Variants in RNASEH2B observed in about 807,000 individuals in gnomAD.
RNASEH2B encodes the protein Aicardi-Goutieres syndrome 2 protein.
In RNASEH2B, 36 loss-of-function variants were observed where a neutral mutation model predicts 45.0. The ratio of observed to expected loss-of-function variants is 0.80; its 90% CI spans 0.61 to 1.06. The LOEUF is 1.06. RNASEH2B is among the 50% of genes least tolerant of loss of function. The pLI, the probability that RNASEH2B is intolerant of heterozygous loss-of-function variation, is 0.00. For missense variants in RNASEH2B, 361 were observed against 360.3 expected (o/e 1.00, Z -0.02); for synonymous variants, 119 against 125.7 (o/e 0.95, Z 0.35).
At chr13:50,935,888 G>A (rs1373244131) in intron 5 of RNASEH2B, 1 of 152,294 alleles carries the variant, frequency 6.6e-6, no homozygotes, top group African/African-American at 2.4e-5. Flanking sequence ...TATTGGAGAA[G>A]CCAGGTCCAC....
At position 50,945,462 on chromosome 13, in the gene RNASEH2B, T is replaced by G; in HGVS notation, c.546T>G (p.Asn182Lys). Residue 182 changes from asparagine (N) to lysine (K), a missense_variant, in exon 7 of 11, where the codon AAT becomes AAG. Transcript: ENST00000336617. ...NQTVAALKTN[N>K]VNVSSRVQST... Reference sequence around the variant, plus strand: ...CTGTGGCAGCATTAAAAACCAATAATGTGAATGTCAGTTCCCGGGTACAGT... The same window carrying G: ...CTGTGGCAGCATTAAAAACCAATAAGGTGAATGTCAGTTCCCGGGTACAGT... The G allele has an allele frequency of 6.2e-7, 1 of 1,613,758 alleles. No homozygotes were observed. The highest frequency in any genetic ancestry group is 1.1e-5 in the South Asian group (1 of 91,076).
rs531304537 is a variant in RNASEH2B at position 50,912,534 on chromosome 13, G to A, written c.64+2394G>A. 4.6e-5 allele frequency: 7 copies of A among 152,338 alleles called. 1 individual carries two copies. The South Asian group carries it at 1.2e-3, about 27-fold the overall frequency. The allele number at this position is 152,338 out of a possible 1,614,324, so 9.4% of individuals were successfully genotyped here. A position where few individuals can be genotyped will look rare whatever the true frequency, so the allele number is the denominator to read the frequency against. ...CCAGAATTTATATGGTCAAGGAAGT[G>A]CATGTAAGTGCAGAGTGTGAGGCTC... is the stretch of plus-strand genomic sequence containing the variant. On this transcript the variant is annotated intron_variant, in intron 1 of 10. Transcript: ENST00000336617.
intron 9 of RNASEH2B, chr13:50,952,195 A>G (rs1481581031): frequency 6.6e-6 from 1 of 152,214 alleles, no homozygotes; most frequent in East Asian, 1.9e-4. Context: ...AATAATGTCT[A>G]AGTGTTTATA....
chr13:50,944,413 G>T (rs1164785057), intron 6 of RNASEH2B, among the ~76,000 whole-genome samples: 1 of 151,954 alleles, frequency 6.6e-6, no homozygotes, highest in Non-Finnish European at 1.5e-5. Context: ...AAGAACACAT[G>T]AACACAGGGA....
At chr13:50,954,020 TACTC>T in intron 10 of RNASEH2B, 35 bp downstream of exon 10, 1 of 1,287,810 alleles carries the variant, frequency 7.8e-7, no homozygotes, top group Non-Finnish European at 1.1e-6. Context: ...GTTTCGTTCA[TACTC>T]AGTGCGTGAT....
chr13:50,943,509 A>G (rs960799762), intron 6 of RNASEH2B, 115 bp downstream of exon 6: 2 of 783,710 alleles, frequency 2.6e-6, no homozygotes, highest in African/African-American at 1.7e-5. Context: ...CAGTGAAAAG[A>G]GGAAAATTGT....
intron 1 of RNASEH2B, among the ~76,000 whole-genome samples, chr13:50,917,570 C>T (rs939293218): frequency 1.3e-5 from 2 of 152,194 alleles, no homozygotes; most frequent in Non-Finnish European, 2.9e-5. Context: ...CTCTTGATGA[C>T]CTTGGGAAGC....
chr13:50,954,034 T>A, intron 10 of RNASEH2B, 49 bp downstream of exon 10: 1 of 1,106,908 alleles, frequency 9.0e-7, no homozygotes, highest in Non-Finnish European at 1.4e-6. Flanking sequence ...CAGTGCGTGA[T>A]GTGCATGAAT....
rs541039851 is a variant in RNASEH2B, at chr13:50,913,871, A to G, written c.64+3731A>G. Among the ~76,000 whole-genome samples the G allele has an allele frequency of 2.0e-5, 3 of 152,338 alleles. No homozygotes were observed. The East Asian group carries it at 5.8e-4, about 29-fold the overall frequency. On this transcript the variant is annotated intron_variant, in intron 1 of 10. Transcript: ENST00000336617. ...AATCACAAATGATTATACCAGAGCTATCTTTCCAATTGGAATGCAAAAATA... is the reference window on the plus strand; with the variant it reads ...AATCACAAATGATTATACCAGAGCTGTCTTTCCAATTGGAATGCAAAAATA...
chr13:50,962,169 A>C (rs189880678), intron 9 of RNASEH2B, among the ~76,000 whole-genome samples: 4 of 152,080 alleles, frequency 2.6e-5, no homozygotes, highest in Non-Finnish European at 5.9e-5. Context: ...GGTTTTCTTT[A>C]CTTGTAATGA....
intron 9 of RNASEH2B, chr13:50,952,265 T>TC (rs1951985645): frequency 1.3e-5 from 2 of 152,242 alleles, no homozygotes; most frequent in South Asian, 4.1e-4. Context: ...CCTCATAACT[T>TC]CAAGCTTTTT....
At chr13:50,969,533 A>AAAG (rs1555259600) in intron 9 of RNASEH2B, among the ~76,000 whole-genome samples, 1 of 151,740 alleles carries the variant, frequency 6.6e-6, no homozygotes, top group African/African-American at 2.4e-5. Flanking sequence ...AAAAAAAAAA[A>AAAG]AAAAAGAAAA....
intron 2 of RNASEH2B, among the ~76,000 whole-genome samples, chr13:50,928,861 A>T (rs1032843891): frequency 3.0e-4 from 45 of 147,622 alleles, no homozygotes; most frequent in Middle Eastern, 3.6e-3. Flanking sequence ...TAAAAAAAAA[A>T]TTTTTTTTTC....
intron 1 of RNASEH2B, among the ~76,000 whole-genome samples, chr13:50,922,300 A>G (rs1004116131): frequency 3.9e-5 from 6 of 152,246 alleles, no homozygotes; most frequent in Admixed American, 1.3e-4. Context: ...CTCTTTTGAC[A>G]TATTCCTAGA....
chr13:50,966,315 A>G, intron 9 of RNASEH2B, among the ~76,000 whole-genome samples: 1 of 152,244 alleles, frequency 6.6e-6, no homozygotes, highest in Non-Finnish European at 1.5e-5. Context: ...ATTTCAGACT[A>G]GAGCCTTTTT....
intron 1 of RNASEH2B, among the ~76,000 whole-genome samples, chr13:50,922,488 C>T (rs1298915850): frequency 6.6e-6 from 1 of 152,116 alleles, no homozygotes; most frequent in African/African-American, 2.4e-5. Flanking sequence ...ACACACAGGA[C>T]CCTTCAGCAA....
At chr13:50,963,637 G>A (rs1952135380) in intron 9 of RNASEH2B, among the ~76,000 whole-genome samples, 1 of 151,884 alleles carries the variant, frequency 6.6e-6, no homozygotes, top group South Asian at 2.1e-4. Context: ...TATCTTCTAG[G>A]TCTATTTTTC....
chr13:50,927,607 A>G, intron 2 of RNASEH2B, 129 bp downstream of exon 2: 1 of 701,612 alleles, frequency 1.4e-6, no homozygotes, highest in Non-Finnish European at 2.6e-6. Flanking sequence ...TGAGGAGAAG[A>G]AAACAAGGTG....
intron 5 of RNASEH2B, chr13:50,943,114 C>T (rs574838525): frequency 2.7e-5 from 13 of 486,162 alleles, no homozygotes; most frequent in African/African-American, 2.2e-4. Flanking sequence ...AATTCTTACT[C>T]ATTTAGTGGT....
Sources: gnomAD v4.1 joint callset for allele counts (sites outside exome capture counted in the v4.1 genomes callset) on GRCh38, gnomAD v4.1.1 for gene constraint, MANE v1.5 for transcripts, NCBI Gene and HGNC (gene_info 2026-07-23, HGNC 2026-07-21) for gene names.